The following CAV1 variants were observed in gnomAD, a reference collection of about 807,000 sequenced individuals.
CAV1 encodes caveolin-1.
A neutral mutation model predicts 16.5 loss-of-function variants in CAV1; 10 were observed. The ratio of observed to expected loss-of-function variants is 0.61; its 90% CI spans 0.37 to 1.03. The LOEUF (loss-of-function observed/expected upper bound fraction) is 1.03. Ranked by LOEUF, CAV1 falls within the 50% of genes least tolerant of loss-of-function variation. The pLI, the probability that CAV1 is intolerant of heterozygous loss-of-function variation, is 0.01. For synonymous variants in CAV1, 76 were observed against 85.1 expected (o/e 0.89, Z 0.59); for missense variants, 212 against 232.8 (o/e 0.91, Z 0.58).
intron 2 of CAV1, among the ~76,000 whole-genome samples, chr7:116,533,912 C>T (rs546228189): frequency 1.3e-5 from 2 of 152,232 alleles, no homozygotes; most frequent in South Asian, 2.1e-4. Flanking sequence ...TTCAATTCCT[C>T]TTTAATATCC....
At chr7:116,555,524 G>A (rs1282351329) in intron 2 of CAV1, among the ~76,000 whole-genome samples, 175 of 11,916 alleles carry the variant, frequency 0.015, 5 homozygotes, top group South Asian at 0.043. Flanking sequence ...AAGAAAGAGA[G>A]AGAGAGAGAG....
intron 2 of CAV1, among the ~76,000 whole-genome samples, chr7:116,534,364 T>A (rs867910153): frequency 3.5e-4 from 5 of 14,172 alleles, no homozygotes; most frequent in Non-Finnish European, 9.1e-4. Flanking sequence ...CCACCTCAGA[T>A]ATATATATAT....
At chr7:116,534,376 TATATA>T (rs1562829868) in intron 2 of CAV1, among the ~76,000 whole-genome samples, 6 of 14,782 alleles carry the variant, frequency 4.1e-4, no homozygotes, top group Non-Finnish European at 9.4e-4. Flanking sequence ...TATATATATA[TATATA>T]TATATATATA....
intron 2 of CAV1, among the ~76,000 whole-genome samples, chr7:116,557,909 G>A (rs1794324350): frequency 6.6e-6 from 1 of 152,118 alleles, no homozygotes; most frequent in African/African-American, 2.4e-5. Flanking sequence ...CCCACTGTCT[G>A]TAAAATAATA....
chr7:116,534,422 C>T (rs1399892291), intron 2 of CAV1, among the ~76,000 whole-genome samples: 7 of 56,306 alleles, frequency 1.2e-4, no homozygotes, highest in African/African-American at 3.6e-4. Flanking sequence ...TTTTTTGAGA[C>T]GATGTCTTGC....
intron 2 of CAV1, among the ~76,000 whole-genome samples, chr7:116,527,195 A>G (rs1793582494): frequency 6.6e-6 from 1 of 152,258 alleles, no homozygotes. Flanking sequence ...TAAAAATACT[A>G]CAGTGGATGG....
intron 2 of CAV1, among the ~76,000 whole-genome samples, chr7:116,555,548 G>GAGAA (rs1794264983): frequency 3.3e-5 from 1 of 30,486 alleles, no homozygotes; most frequent in African/African-American, 1.1e-4. Flanking sequence ...GAGAGAGAAA[G>GAGAA]AAAGAAAGAA....
At chr7:116,532,682 C>T (rs1793709451) in intron 2 of CAV1, among the ~76,000 whole-genome samples, 1 of 152,202 alleles carries the variant, frequency 6.6e-6, no homozygotes, top group Non-Finnish European at 1.5e-5. Context: ...CATAGATGCT[C>T]AGAGGCAACC....
rs551314065 is a variant in CAV1 at position 116,545,483 on chromosome 7, G to A, written c.196-13463G>A. On this transcript the variant is annotated intron_variant, in intron 2 of 2. Coordinates refer to ENST00000341049, the MANE Select transcript of CAV1 (RefSeq NM_001753.5). ...CTAGTGTGTATCTTTTTCCTCACTT[G>A]CCAAGCAATGTTCAAACCTGCAGAG... Among the ~76,000 whole-genome samples, 7 of 152,250 alleles carry A rather than the reference G, an allele frequency of 4.6e-5. No homozygotes were observed. In the South Asian group the frequency reaches 1.4e-3, roughly 32 times the overall value.
chr7:116,555,605 A>G lies in CAV1; in HGVS notation c.196-3341A>G, dbSNP rs1478633482. 1.4e-3 allele frequency among the ~76,000 whole-genome samples: 121 copies of G among 87,340 alleles called. 4 individuals are homozygous for G. The highest frequency in any genetic ancestry group is 6.0e-3 in the African/African-American group (117 of 19,538). The allele number at this position is 87,340 out of a possible 152,430, so 57.3% of individuals were successfully genotyped here. ...GAAAGAAAGAAAGAAAGAAAGAAAG[A>G]GAAAGAAAGAAAGAAGGGAGGGAGG... is the stretch of plus-strand genomic sequence containing the variant. On this transcript the variant is annotated intron_variant, in intron 2 of 2. Coordinates refer to ENST00000341049, the MANE Select transcript of CAV1 (RefSeq NM_001753.5).
At chr7:116,544,875 A>G (rs1322351296) in intron 2 of CAV1, among the ~76,000 whole-genome samples, 2 of 152,166 alleles carry the variant, frequency 1.3e-5, no homozygotes, top group Non-Finnish European at 2.9e-5. Context: ...GGCCATCTCT[A>G]TTTTATAGGC....
At chr7:116,525,825 C>T (rs907585108) in intron 1 of CAV1, 1 of 1,009,758 alleles carries the variant, frequency 9.9e-7, no homozygotes, top group Non-Finnish European at 1.2e-6. Flanking sequence ...AGTTCTAGGA[C>T]ATTTAGGGGG....
rs147559106 is a variant in CAV1 at position 116,553,953 on chromosome 7, G to A, written c.196-4993G>A. On this transcript the variant is annotated intron_variant, in intron 2 of 2. Coordinates refer to ENST00000341049, the MANE Select transcript of CAV1 (RefSeq NM_001753.5). ...TGTAGCAGCTAGACTGATCAAGGAT[G>A]TGTGATGACAGCAAGCAGTAGTGGA... Among the ~76,000 whole-genome samples, 67 of 152,288 alleles carry A rather than the reference G, an allele frequency of 4.4e-4. 1 individual carries two copies. Among genetic ancestry groups the A allele is most frequent in the Admixed American group, 3.3e-4 (5 of 15,300 alleles).
At chr7:116,555,600 GAAAGAGAAAGAAAGAAAGA>G (rs1794275397) in intron 2 of CAV1, among the ~76,000 whole-genome samples, 7 of 82,140 alleles carry the variant, frequency 8.5e-5, no homozygotes, top group African/African-American at 3.5e-4. Context: ...AAGAAAGAAA[GAAAGAGAAAGAAAGAAAGA>G]AGGGAGGGAG....
intron 2 of CAV1, among the ~76,000 whole-genome samples, chr7:116,543,609 G>GGTTTT (rs1439057161): frequency 1.8e-4 from 27 of 152,084 alleles, no homozygotes; most frequent in African/African-American, 6.5e-4. Context: ...TTCAGGTTTG[G>GGTTTT]GTTTTGTTTT....
intron 2 of CAV1, among the ~76,000 whole-genome samples, chr7:116,543,546 T>G (rs1286881529): frequency 6.6e-6 from 1 of 152,250 alleles, no homozygotes; most frequent in Non-Finnish European, 1.5e-5. Flanking sequence ...CCAAATTGGC[T>G]GTATCTGTTC....
At chr7:116,555,145 T>C (rs1794232968) in intron 2 of CAV1, among the ~76,000 whole-genome samples, 1 of 152,008 alleles carries the variant, frequency 6.6e-6, no homozygotes, top group South Asian at 2.1e-4. Flanking sequence ...AATTGTCTAT[T>C]TAAAAACCTA....
chr7:116,558,150 T>C (rs1562839837), intron 2 of CAV1, among the ~76,000 whole-genome samples: 1 of 152,226 alleles, frequency 6.6e-6, no homozygotes, highest in Non-Finnish European at 1.5e-5. Context: ...GAAGTAATTA[T>C]GCTAATTGGG....
chr7:116,526,207 G>T, intron 1 of CAV1: 1 of 918,836 alleles, frequency 1.1e-6, no homozygotes, highest in Non-Finnish European at 1.3e-6. Context: ...GCTGAGCCGG[G>T]GCGTGCGCGG....
Sources: allele counts gnomAD v4.1 joint callset (sites outside exome capture counted in the v4.1 genomes callset), GRCh38; gene constraint gnomAD v4.1.1; transcripts MANE v1.5; gene names NCBI Gene and HGNC (gene_info 2026-07-23, HGNC 2026-07-21).